The following SCTR variants were observed in gnomAD, a reference collection of about 807,000 sequenced individuals.
The protein encoded by SCTR is secretin receptor, also known as pancreatic secretin receptor.
Under a neutral mutation model 60.8 loss-of-function variants are expected in SCTR, and 56 were observed. The observed-to-expected ratio is 0.92, with a 90% confidence interval of 0.74 to 1.15. The LOEUF (loss-of-function observed/expected upper bound fraction) is 1.15. Ranked by LOEUF, SCTR falls within the 50% of genes most tolerant of loss-of-function variation. The pLI is 0.00. For synonymous variants in SCTR, 202 were observed against 217.0 expected, an observed-to-expected ratio of 0.93 and a Z score of 0.61; for missense variants, 562 against 550.4, an observed-to-expected ratio of 1.02 and a Z score of -0.21.
In SCTR at chr2:119,439,906, C is replaced by G; in HGVS notation, c.*211G>C. The G allele has an allele frequency of 1.8e-6, 1 of 547,094 alleles. No individual in the cohort carries two copies. The highest frequency in any genetic ancestry group is 3.2e-6 in the Non-Finnish European group (1 of 310,506). 33.9% of individuals were successfully genotyped at this position (547,094 alleles called of 1,614,324 possible). A position where few individuals can be genotyped will look rare whatever the true frequency, so the allele number is the denominator to read the frequency against. On this transcript the variant is annotated 3_prime_UTR_variant, in exon 13 of 13. Coordinates refer to ENST00000019103, the MANE Select transcript of SCTR (RefSeq NM_002980.3). ...TTTCTGGGACCCCTGAACTTCTCTT[C>G]CCAGAAGAGCAAACGAACCAAATCC...
At chr2:119,460,202 C>T (rs978079328) in intron 7 of SCTR, among the ~76,000 whole-genome samples, 1 of 151,742 alleles carries the variant, frequency 6.6e-6, no homozygotes. Flanking sequence ...GCAGAAAAGG[C>T]AGCACAGGGC....
intron 6 of SCTR, among the ~76,000 whole-genome samples, chr2:119,463,234 G>A (rs2579646): frequency 0.89 from 135,535 of 152,242 alleles, 60,513 homozygotes; most frequent in African/African-American, 0.95. Flanking sequence ...CTTCCTTTGC[G>A]ATTAAGTGTG....
At chr2:119,477,922 G>A (rs1487315435) in intron 3 of SCTR, among the ~76,000 whole-genome samples, 3 of 152,210 alleles carry the variant, frequency 2.0e-5, no homozygotes, top group Non-Finnish European at 4.4e-5. Flanking sequence ...CTTCGAGGGA[G>A]CAGCATGTTC....
At chr2:119,494,902 T>C (rs920502235) in intron 1 of SCTR, among the ~76,000 whole-genome samples, 7 of 152,248 alleles carry the variant, frequency 4.6e-5, no homozygotes, top group Non-Finnish European at 8.8e-5. Context: ...GTTTTCTTTT[T>C]TGAAAGCTTA....
intron 6 of SCTR, 70 bp downstream of exon 6, chr2:119,464,053 C>A (rs1431264452): frequency 6.5e-7 from 1 of 1,537,218 alleles, no homozygotes; most frequent in Admixed American, 1.7e-5. Context: ...CTAGGCTACT[C>A]CCCTCTCCAA....
At chr2:119,502,799 C>CTGGG (rs1275691987) in intron 1 of SCTR, among the ~76,000 whole-genome samples, 12 of 147,948 alleles carry the variant, frequency 8.1e-5, no homozygotes, top group African/African-American at 3.0e-4. Context: ...CAAGACCAAC[C>CTGGG]TGGGCGACAG....
chr2:119,512,077 T>G (rs1678963561), intron 1 of SCTR, among the ~76,000 whole-genome samples: 1 of 152,222 alleles, frequency 6.6e-6, no homozygotes, highest in African/African-American at 2.4e-5. Context: ...GTTTTTAAAT[T>G]TATTGATTGG....
intron 2 of SCTR, among the ~76,000 whole-genome samples, chr2:119,483,530 G>A (rs1172829464): frequency 2.0e-5 from 3 of 152,192 alleles, no homozygotes; most frequent in Non-Finnish European, 4.4e-5. Flanking sequence ...TGGCTCCAGC[G>A]TCTGGGCACA....
chr2:119,495,796 C>T (rs1243901119), intron 1 of SCTR, among the ~76,000 whole-genome samples: 1 of 152,224 alleles, frequency 6.6e-6, no homozygotes, highest in Non-Finnish European at 1.5e-5. Flanking sequence ...ATGAAAAACA[C>T]ATCACCTCCC....
intron 1 of SCTR, among the ~76,000 whole-genome samples, chr2:119,500,420 T>C (rs1678504422): frequency 6.6e-6 from 1 of 152,194 alleles, no homozygotes; most frequent in African/African-American, 2.4e-5. Flanking sequence ...ATATATGCAG[T>C]CTCATGTTTA....
chr2:119,453,880 C>G (rs1683268927), intron 7 of SCTR, among the ~76,000 whole-genome samples: 1 of 152,130 alleles, frequency 6.6e-6, no homozygotes, highest in Non-Finnish European at 1.5e-5. Context: ...ATAATTTGGA[C>G]TAGAGATGAG....
At chr2:119,492,317 T>C (rs555154989) in intron 2 of SCTR, among the ~76,000 whole-genome samples, 59 of 152,372 alleles carry the variant, frequency 3.9e-4, no homozygotes, top group African/African-American at 1.3e-3. Flanking sequence ...TGCCACACAC[T>C]GCAAAACGCA....
chr2:119,443,978 A>G (rs1303736121), intron 11 of SCTR, among the ~76,000 whole-genome samples: 2 of 151,692 alleles, frequency 1.3e-5, no homozygotes, highest in Non-Finnish European at 2.9e-5. Flanking sequence ...TTTTGAATTT[A>G]CTTAAAAAGA....
intron 9 of SCTR, among the ~76,000 whole-genome samples, chr2:119,450,957 T>C (rs144675882): frequency 3.5e-4 from 54 of 152,366 alleles, no homozygotes; most frequent in African/African-American, 1.3e-3. Context: ...AGTGAGACCC[T>C]GTCTCAAAAA....
intron 1 of SCTR, among the ~76,000 whole-genome samples, chr2:119,506,014 T>C (rs1281053365): frequency 6.6e-6 from 1 of 152,152 alleles, no homozygotes; most frequent in East Asian, 1.9e-4. Context: ...CAACACCCAA[T>C]GCTGGCAAGG....
chr2:119,453,311 G>T lies in SCTR; in HGVS notation c.827C>A (p.Ala276Asp), dbSNP rs1204528011. 2 of 1,613,514 alleles carry T rather than the reference G, an allele frequency of 1.2e-6. No homozygotes were observed. Among genetic ancestry groups the T allele is most frequent in the African/African-American group, 2.7e-5 (2 of 75,034 alleles). Reference sequence around the variant, plus strand: ...CCCAACATCTTCCAGAAAGTGTCTGGCAATAGCCCACAAAGCAACAAAAAT... The same window carrying T: ...CCCAACATCTTCCAGAAAGTGTCTGTCAATAGCCCACAAAGCAACAAAAAT... ...PAIFVALWAI[A>D]RHFLEDVGCW... Residue 276 changes from alanine to aspartate, a missense_variant, in exon 8 of 13, where the codon GCC (alanine) becomes GAC (aspartate). Physicochemically the swap from Ala to Asp is moderately radical, Grantham distance 126. Transcript: ENST00000019103.
chr2:119,460,071 A>G (rs1683541068), intron 7 of SCTR, among the ~76,000 whole-genome samples: 1 of 151,392 alleles, frequency 6.6e-6, no homozygotes, highest in South Asian at 2.1e-4. Context: ...GCCAAGGTTC[A>G]GAAGCAGGAG....
rs72343036 is a variant in SCTR, at chr2:119,477,437, TTTTGTTTG to T, written c.301+1366_301+1373del. Among the ~76,000 whole-genome samples the T allele has an allele frequency of 8.8e-4, 133 of 151,248 alleles. No individual in the cohort carries two copies. The East Asian group carries it at 9.6e-3, about 11-fold the overall frequency. On this transcript the variant is annotated intron_variant, in intron 3 of 12. Coordinates refer to ENST00000019103, the MANE Select transcript of SCTR (RefSeq NM_002980.3). ...ATACCTGTTTCCTGTTCTGGACGTT[TTTTGTTTG>T]TTTGTTTGTTTGTTTGTTTGTTTGT... is the stretch of plus-strand genomic sequence containing the variant.
chr2:119,472,947 A>G (rs1677087635), intron 4 of SCTR, among the ~76,000 whole-genome samples: 1 of 152,210 alleles, frequency 6.6e-6, no homozygotes, highest in South Asian at 2.1e-4. Flanking sequence ...TTTACTGAGC[A>G]CTTACTGTGA....
Sources: gnomAD v4.1 joint callset for allele counts (sites outside exome capture counted in the v4.1 genomes callset) on GRCh38, gnomAD v4.1.1 for gene constraint, MANE v1.5 for transcripts, NCBI Gene and HGNC (gene_info 2026-07-23, HGNC 2026-07-21) for gene names.